DLG2: variants seen among roughly 807,000 people sequenced by gnomAD.
DLG2 encodes disks large homolog 2.
DLG2 carries 45 observed loss-of-function variants against 132.5 expected under a neutral mutation model. The observed-to-expected ratio is 0.34, with a 90% confidence interval of 0.27 to 0.44. The LOEUF (loss-of-function observed/expected upper bound fraction) is 0.44, where lower values mean the gene tolerates loss of function less well. Ranked by LOEUF, DLG2 falls within the 20% of genes least tolerant of loss-of-function variation. The pLI is 1.00. For synonymous variants in DLG2, 424 were observed against 419.6 expected (o/e 1.01, Z -0.13); for missense variants, 1,045 against 1,196.9 (o/e 0.87, Z 1.87).
chr11:85,154,482 A>G, intron 5 of DLG2, 74 bp downstream of exon 5: 1 of 779,778 alleles, frequency 1.3e-6, no homozygotes, highest in Non-Finnish European at 2.1e-6. Flanking sequence ...TAACACTACT[A>G]GCACTATCCA....
intron 12 of DLG2, among the ~76,000 whole-genome samples, chr11:83,971,306 A>T (rs1802964710): frequency 6.6e-6 from 1 of 152,090 alleles, no homozygotes; most frequent in Non-Finnish European, 1.5e-5. Flanking sequence ...GACTGAGGCC[A>T]AGAAAGAGAG....
chr11:83,624,182 A>G (rs895109729), intron 19 of DLG2, among the ~76,000 whole-genome samples: 3 of 152,220 alleles, frequency 2.0e-5, no homozygotes, highest in South Asian at 2.1e-4. Context: ...GGATGAATCA[A>G]TTAATGACAG....
chr11:85,326,259 G>A (rs1450776708), intron 3 of DLG2, among the ~76,000 whole-genome samples: 3 of 142,934 alleles, frequency 2.1e-5, no homozygotes, highest in African/African-American at 8.0e-5. Context: ...TCAGATTCGG[G>A]AAATACAGAG....
intron 7 of DLG2, among the ~76,000 whole-genome samples, chr11:84,416,956 T>C (rs919740481): frequency 3.9e-5 from 6 of 152,238 alleles, no homozygotes; most frequent in African/African-American, 1.4e-4. Context: ...TAGTTTATAA[T>C]TATTGAAATA....
intron 16 of DLG2, among the ~76,000 whole-genome samples, chr11:83,852,287 A>C (rs1167794490): frequency 6.6e-6 from 1 of 152,194 alleles, no homozygotes; most frequent in Non-Finnish European, 1.5e-5. Flanking sequence ...AGAGGGGCAA[A>C]AGGAGTCACT....
intron 3 of DLG2, among the ~76,000 whole-genome samples, chr11:85,354,747 A>G (rs186977455): frequency 6.1e-5 from 9 of 147,574 alleles, no homozygotes; most frequent in African/African-American, 2.2e-4. Context: ...TCTCTCTCTC[A>G]CACACACACA....
In DLG2 at chr11:84,537,444, T is replaced by A. The variant is rs78446281; in HGVS notation, c.358-2713A>T. Among the ~76,000 whole-genome samples the A allele has an allele frequency of 0.016, 2,366 of 152,272 alleles. 110 individuals carry two copies. In the East Asian group the frequency reaches 0.17, roughly 11 times the overall value. On this transcript the variant is annotated intron_variant, in intron 6 of 27. Coordinates refer to ENST00000376104, the MANE Select transcript of DLG2 (RefSeq NM_001142699.3). Reference sequence around the variant, plus strand: ...GTTCTCAACATTCTCACTCCAATAATTATAAAATAAATATAAACAAACTAT... The same window carrying A: ...GTTCTCAACATTCTCACTCCAATAAATATAAAATAAATATAAACAAACTAT...
intron 7 of DLG2, among the ~76,000 whole-genome samples, chr11:84,514,361 A>G (rs2099266138): frequency 6.6e-6 from 1 of 152,084 alleles, no homozygotes; most frequent in African/African-American, 2.4e-5. Context: ...AAAAGAAAGG[A>G]AATCAGTATA....
At chr11:85,498,608 C>G (rs1276605823) in intron 3 of DLG2, among the ~76,000 whole-genome samples, 1 of 152,124 alleles carries the variant, frequency 6.6e-6, no homozygotes, top group Admixed American at 6.6e-5. Flanking sequence ...ACTCCCCACC[C>G]CAAATCAACA....
At chr11:84,995,480 T>A (rs902403710) in intron 6 of DLG2, among the ~76,000 whole-genome samples, 2 of 152,340 alleles carry the variant, frequency 1.3e-5, no homozygotes, top group Admixed American at 1.3e-4. Flanking sequence ...TATTTGTCTC[T>A]CTCCACAGGA....
At chr11:85,107,252 G>T (rs1035675059) in intron 6 of DLG2, among the ~76,000 whole-genome samples, 1 of 151,966 alleles carries the variant, frequency 6.6e-6, no homozygotes, top group Admixed American at 6.6e-5. Flanking sequence ...TAACTAAGGG[G>T]TGTGCAAATA....
Position 83,742,210 on chromosome 11 carries a change from A to ACCACACACACAC in DLG2, c.1825+44479_1825+44480insGTGTGTGTGTGG, listed in dbSNP as rs71463182. Among the ~76,000 whole-genome samples the ACCACACACACAC allele has an allele frequency of 2.8e-3, 411 of 147,106 alleles. 2 individuals are homozygous for ACCACACACACAC. Among genetic ancestry groups the ACCACACACACAC allele is most frequent in the South Asian group, 9.4e-3 (43 of 4,572 alleles). On this transcript the variant is annotated intron_variant, in intron 18 of 27. Coordinates refer to ENST00000376104, the MANE Select transcript of DLG2 (RefSeq NM_001142699.3). ...AGAGAGTAAATTTTACCACACTTTTAACACACACACACACACACACACACA... is the reference window on the plus strand; with the variant it reads ...AGAGAGTAAATTTTACCACACTTTTACCACACACACACACACACACACACACACACACACACA...
At chr11:84,469,463 C>CA (rs1286137617) in intron 7 of DLG2, among the ~76,000 whole-genome samples, 1 of 151,510 alleles carries the variant, frequency 6.6e-6, no homozygotes, top group Non-Finnish European at 1.5e-5. Context: ...AAAGCCTCAG[C>CA]AAAAAGTAAG....
Position 85,427,972 on chromosome 11 carries a change from C to T in DLG2, c.41-142607G>A, listed in dbSNP as rs923844979. ...GGAAAACAAAAAAAGGCAGAGGTTG[C>T]AATCCTAGTCTCTGATAAAACAGAC... On this transcript the variant is annotated intron_variant, in intron 3 of 27. Coordinates refer to ENST00000376104, the MANE Select transcript of DLG2 (RefSeq NM_001142699.3). 1.4e-4 allele frequency among the ~76,000 whole-genome samples: 21 copies of T among 152,226 alleles called. 1 individual carries two copies. Among genetic ancestry groups the T allele is most frequent in the African/African-American group, 4.1e-4 (17 of 41,542 alleles).
At chr11:84,724,537 A>G (rs1210717751) in intron 6 of DLG2, among the ~76,000 whole-genome samples, 1 of 152,142 alleles carries the variant, frequency 6.6e-6, no homozygotes, top group Non-Finnish European at 1.5e-5. Context: ...ATACCATGTA[A>G]ACTAACAAAC....
At chr11:84,875,577 CTA>C (rs912111983) in intron 6 of DLG2, among the ~76,000 whole-genome samples, 4 of 151,862 alleles carry the variant, frequency 2.6e-5, no homozygotes, top group African/African-American at 9.7e-5. Flanking sequence ...CCAAACAATC[CTA>C]TGTTACCTCA....
At chr11:84,415,089 G>A (rs754705172) in intron 7 of DLG2, among the ~76,000 whole-genome samples, 1 of 152,110 alleles carries the variant, frequency 6.6e-6, no homozygotes, top group Non-Finnish European at 1.5e-5. Context: ...ATTATGCAAT[G>A]TGCACTATTA....
intron 3 of DLG2, among the ~76,000 whole-genome samples, chr11:85,590,791 A>AT (rs770330089): frequency 1.0e-3 from 158 of 152,128 alleles, no homozygotes; most frequent in Non-Finnish European, 1.2e-3. Flanking sequence ...CAGCTACCAC[A>AT]TATTAGTTAC....
At chr11:85,172,992 A>T (rs943834575) in intron 4 of DLG2, among the ~76,000 whole-genome samples, 11 of 152,290 alleles carry the variant, frequency 7.2e-5, no homozygotes, top group Admixed American at 4.6e-4. Flanking sequence ...AAACCTATGA[A>T]TGATTGGGGT....
Sources: gnomAD v4.1 joint callset for allele counts (sites outside exome capture counted in the v4.1 genomes callset) on GRCh38, gnomAD v4.1.1 for gene constraint, MANE v1.5 for transcripts, NCBI Gene and HGNC (gene_info 2026-07-23, HGNC 2026-07-21) for gene names.